ARIH1: variants seen among roughly 807,000 people sequenced by gnomAD.
The protein encoded by ARIH1 is E3 ubiquitin-protein ligase ARIH1.
ARIH1 carries 8 observed loss-of-function variants against 85.0 expected under a neutral mutation model. The ratio of observed to expected loss-of-function variants is 0.09; its 90% CI spans 0.06 to 0.17. The LOEUF (loss-of-function observed/expected upper bound fraction) is 0.17, where lower values mean the gene tolerates loss of function less well. ARIH1 is among the 10% of genes least tolerant of loss of function. The probability of loss-of-function intolerance (pLI) is 1.00; values close to 1 mark genes in which losing one functional copy is unlikely to be tolerated. For synonymous variants in ARIH1, 238 were observed against 253.6 expected, an observed-to-expected ratio of 0.94 and a Z score of 0.59; for missense variants, 311 against 718.1, an observed-to-expected ratio of 0.43 and a Z score of 6.48.
Position 72,491,515 on chromosome 15 carries a change from T to G in ARIH1, c.375+16501T>G, listed in dbSNP as rs1211256499. On this transcript the variant is annotated intron_variant, in intron 1 of 13. Coordinates refer to ENST00000379887, the MANE Select transcript of ARIH1 (RefSeq NM_005744.5). ...ATTCACGTTGTACCCACAAAGTTCC[T>G]GGAACATAGCTGTTAGACATTGAGT... Among the ~76,000 whole-genome samples, 9 of 152,228 alleles carry G rather than the reference T, an allele frequency of 5.9e-5. 1 individual carries two copies. The highest frequency in any genetic ancestry group is 5.9e-4 in the Admixed American group (9 of 15,288).
At chr15:72,501,237 C>T (rs1467932203) in intron 1 of ARIH1, among the ~76,000 whole-genome samples, 1 of 152,122 alleles carries the variant, frequency 6.6e-6, no homozygotes, top group Non-Finnish European at 1.5e-5. Flanking sequence ...AAGAAGCCTA[C>T]AATGGCTTTT....
chr15:72,549,028 G>T (rs918489203), intron 3 of ARIH1, among the ~76,000 whole-genome samples: 4 of 151,584 alleles, frequency 2.6e-5, no homozygotes, highest in Non-Finnish European at 4.4e-5. Context: ...TAAGATAATA[G>T]CTGTACTGGC....
chr15:72,567,171 C>T lies in ARIH1; in HGVS notation c.1020C>T (p.Asn340=). 6.2e-7 allele frequency: 1 copy of T among 1,610,020 alleles called. No individual in the cohort carries two copies. The highest frequency in any genetic ancestry group is 8.5e-7 in the Non-Finnish European group (1 of 1,178,000). Residue 340 remains asparagine, a synonymous_variant, in exon 9 of 14, where the codon AAC becomes AAT. Transcript: ENST00000379887. The stretch of plus-strand genomic sequence containing the variant: ...AAACCTCCAATTGGATTGCAGCCAA[C>T]ACAAAGGTTGGTGTTTTCCTTCAGT... ...DSETSNWIAA[N]TKECPKCHVT... is the part of the protein sequence containing the mutation.
rs923289925 is a variant in ARIH1 at position 72,598,299 on chromosome 15, T to C, written c.*15007T>C. 1.3e-5 allele frequency: 2 copies of C among 152,184 alleles called. No homozygotes were observed. The highest frequency in any genetic ancestry group is 1.9e-4 in the East Asian group (1 of 5,198). 9.4% of individuals were successfully genotyped at this position (152,184 alleles called of 1,614,324 possible). Reference sequence around the variant, plus strand: ...TTAGCTTTCTGATGAATTAAACATATGTTTTATTTTCTAGCTCATCTGGCC... The same window carrying C: ...TTAGCTTTCTGATGAATTAAACATACGTTTTATTTTCTAGCTCATCTGGCC... On this transcript the variant is annotated 3_prime_UTR_variant, in exon 14 of 14. Transcript: ENST00000379887.
chr15:72,532,837 A>T (rs1338889433), intron 2 of ARIH1, among the ~76,000 whole-genome samples: 1 of 152,252 alleles, frequency 6.6e-6, no homozygotes, highest in East Asian at 1.9e-4. Flanking sequence ...GAACAAATTG[A>T]TGAGAAAAAC....
chr15:72,514,725 G>A (rs2063966875), intron 1 of ARIH1, among the ~76,000 whole-genome samples: 1 of 149,834 alleles, frequency 6.7e-6, no homozygotes, highest in East Asian at 2.0e-4. Flanking sequence ...GAGGATTTTG[G>A]CCAGGCGCAG....
chr15:72,477,089 A>G (rs1052520625), intron 1 of ARIH1, among the ~76,000 whole-genome samples: 1 of 152,182 alleles, frequency 6.6e-6, no homozygotes, highest in African/African-American at 2.4e-5. Flanking sequence ...CTCATTTTCA[A>G]TGCATTTGAT....
In ARIH1 at chr15:72,587,194, A is replaced by G. The variant is rs781175382; in HGVS notation, c.*3902A>G. 9.7e-6 allele frequency: 5 copies of G among 513,508 alleles called. No homozygotes were observed. Among genetic ancestry groups the G allele is most frequent in the Admixed American group, 4.0e-5 (2 of 49,722 alleles). 31.8% of individuals were successfully genotyped at this position (513,508 alleles called of 1,614,324 possible). Reference sequence around the variant, plus strand: ...TCACTGAGGTTAAATAACTCCCTCAATTTTTCATTTCCTTCTACCTGAAAC... The same window carrying G: ...TCACTGAGGTTAAATAACTCCCTCAGTTTTTCATTTCCTTCTACCTGAAAC... On this transcript the variant is annotated 3_prime_UTR_variant, in exon 14 of 14. Coordinates refer to ENST00000379887, the MANE Select transcript of ARIH1 (RefSeq NM_005744.5).
chr15:72,545,150 C>G (rs772492316), intron 3 of ARIH1, among the ~76,000 whole-genome samples, 186 bp downstream of exon 3: 1 of 152,158 alleles, frequency 6.6e-6, no homozygotes, highest in Non-Finnish European at 1.5e-5. Context: ...TTACCTCCAA[C>G]CCCCATTTGT....
At chr15:72,544,764 A>G in intron 2 of ARIH1, 56 bp from the exon 3 acceptor site, 1 of 1,430,818 alleles carries the variant, frequency 7.0e-7, no homozygotes, top group Non-Finnish European at 9.3e-7. Flanking sequence ...GTTTTTGGAG[A>G]GCTCTAACAG....
intron 2 of ARIH1, among the ~76,000 whole-genome samples, chr15:72,529,861 T>G (rs991236626): frequency 5.3e-5 from 8 of 152,366 alleles, no homozygotes; most frequent in Admixed American, 4.6e-4. Flanking sequence ...TGGAAATGTT[T>G]AATGCACGTT....
At chr15:72,571,984 C>A in intron 10 of ARIH1, 124 bp from the exon 11 acceptor site, 2 of 665,032 alleles carry the variant, frequency 3.0e-6, no homozygotes, top group Non-Finnish European at 5.1e-6. Flanking sequence ...ATCTCAATTT[C>A]TCTGTTATAA....
In ARIH1 at chr15:72,508,644, A is replaced by T. The variant is rs560953125; in HGVS notation, c.376-9423A>T. Among the ~76,000 whole-genome samples the T allele has an allele frequency of 2.3e-3, 350 of 152,114 alleles. 1 individual carries two copies. The highest frequency in any genetic ancestry group is 5.4e-3 in the Admixed American group (83 of 15,284). On this transcript the variant is annotated intron_variant, in intron 1 of 13. Coordinates refer to ENST00000379887, the MANE Select transcript of ARIH1 (RefSeq NM_005744.5). Reference sequence around the variant, plus strand: ...TGTGCCCGGCACTAAATAATTTCAAATCTATGTTCTCCTTTTCAGCATTCC... The same window carrying T: ...TGTGCCCGGCACTAAATAATTTCAATTCTATGTTCTCCTTTTCAGCATTCC...
chr15:72,484,672 CAT>C (rs944966540), intron 1 of ARIH1, among the ~76,000 whole-genome samples: 164 of 149,280 alleles, frequency 1.1e-3, no homozygotes, highest in African/African-American at 3.8e-3. Context: ...TGTGTGTATA[CAT>C]ATATATACGT....
chr15:72,526,653 T>C (rs2064029790), intron 2 of ARIH1, among the ~76,000 whole-genome samples: 1 of 152,108 alleles, frequency 6.6e-6, no homozygotes, highest in African/African-American at 2.4e-5. Flanking sequence ...CTCACTTCAG[T>C]GCAGAGACTG....
At chr15:72,535,120 T>G (rs899282354) in intron 2 of ARIH1, among the ~76,000 whole-genome samples, 25 of 150,540 alleles carry the variant, frequency 1.7e-4, no homozygotes, top group Admixed American at 7.3e-4. Context: ...CCCGGCTAAT[T>G]TTTTGTATTT....
intron 5 of ARIH1, among the ~76,000 whole-genome samples, chr15:72,557,937 CT>C (rs1324332627): frequency 6.6e-6 from 1 of 152,146 alleles, no homozygotes; most frequent in East Asian, 1.9e-4. Flanking sequence ...CTCTAGGAGC[CT>C]TTTGGCAGAG....
intron 3 of ARIH1, among the ~76,000 whole-genome samples, chr15:72,549,815 A>G (rs1354357314): frequency 6.6e-6 from 1 of 152,174 alleles, no homozygotes; most frequent in African/African-American, 2.4e-5. Context: ...TCTTTTGTAG[A>G]TAATATTTCA....
intron 2 of ARIH1, among the ~76,000 whole-genome samples, chr15:72,540,324 G>A (rs1185993771): frequency 6.7e-6 from 1 of 150,120 alleles, no homozygotes; most frequent in Non-Finnish European, 1.5e-5. Flanking sequence ...ACTGGGAAGA[G>A]CTTTAGGAAG....
Sources: gnomAD v4.1 joint callset for allele counts (sites outside exome capture counted in the v4.1 genomes callset) on GRCh38, gnomAD v4.1.1 for gene constraint, MANE v1.5 for transcripts, NCBI Gene and HGNC (gene_info 2026-07-23, HGNC 2026-07-21) for gene names.